WIPF1: variants seen among roughly 807,000 people sequenced by gnomAD.
WIPF1 encodes WAS/WASL-interacting protein family member 1.
A neutral mutation model predicts 35.4 loss-of-function variants in WIPF1; 13 were observed. That is an observed-to-expected ratio of 0.37 (90% confidence interval 0.24 to 0.58). The LOEUF (loss-of-function observed/expected upper bound fraction) is 0.58, where lower values mean the gene tolerates loss of function less well. WIPF1 is among the 20% of genes least tolerant of loss of function. WIPF1 has a pLI of 0.74. For missense variants in WIPF1, 591 were observed against 667.0 expected, an observed-to-expected ratio of 0.89 and a Z score of 1.25; for synonymous variants, 267 against 266.3, an observed-to-expected ratio of 1.00 and a Z score of -0.02.
intron 1 of WIPF1, among the ~76,000 whole-genome samples, chr2:174,617,799 T>C (rs553776098): frequency 6.6e-6 from 1 of 152,360 alleles, no homozygotes; most frequent in African/African-American, 2.4e-5. Context: ...AAATATCGTA[T>C]TGTATTTTCT....
intron 3 of WIPF1, 182 bp from the exon 4 acceptor site, chr2:174,575,562 G>A (rs1685031501): frequency 1.9e-6 from 2 of 1,077,654 alleles, no homozygotes; most frequent in Non-Finnish European, 1.3e-6. Flanking sequence ...GCTCCAGGCA[G>A]TCCCAAGCCC....
At chr2:174,681,954 T>G (rs1426911002) in intron 1 of WIPF1, among the ~76,000 whole-genome samples, 1 of 152,246 alleles carries the variant, frequency 6.6e-6, no homozygotes, top group Non-Finnish European at 1.5e-5. Context: ...TGGTCTGATT[T>G]AGAGCTCTTT....
intron 1 of WIPF1, among the ~76,000 whole-genome samples, chr2:174,618,444 G>A (rs1042069248): frequency 6.6e-6 from 1 of 152,224 alleles, no homozygotes. Flanking sequence ...GAGGAGGGGA[G>A]ATCTGCCATC....
At chr2:174,592,537 A>C (rs1350984951) in intron 1 of WIPF1, among the ~76,000 whole-genome samples, 1 of 151,686 alleles carries the variant, frequency 6.6e-6, no homozygotes, top group African/African-American at 2.4e-5. Context: ...ATATAACTGG[A>C]TAGATTCAAA....
intron 4 of WIPF1, among the ~76,000 whole-genome samples, chr2:174,573,394 G>C (rs1684938689): frequency 6.6e-6 from 1 of 152,116 alleles, no homozygotes; most frequent in Non-Finnish European, 1.5e-5. Flanking sequence ...GAATAGAAAA[G>C]ATTCTGCATT....
chr2:174,563,382 G>A (rs1458006990), intron 7 of WIPF1, among the ~76,000 whole-genome samples: 4 of 152,080 alleles, frequency 2.6e-5, no homozygotes, highest in African/African-American at 7.2e-5. Context: ...GACCAGTCTG[G>A]GCAACATAGC....
At chr2:174,564,428 G>T (rs1442939449) in intron 7 of WIPF1, among the ~76,000 whole-genome samples, 1 of 152,118 alleles carries the variant, frequency 6.6e-6, no homozygotes, top group Non-Finnish European at 1.5e-5. Flanking sequence ...AGACCAGCCT[G>T]GGTGACATAG....
chr2:174,639,743 T>C (rs796288084), intron 1 of WIPF1, among the ~76,000 whole-genome samples: 38 of 152,360 alleles, frequency 2.5e-4, no homozygotes, highest in African/African-American at 8.2e-4. Flanking sequence ...ATTTTGGCTT[T>C]GTTGCCTATG....
intron 5 of WIPF1, among the ~76,000 whole-genome samples, chr2:174,569,737 AG>A (rs1684772984): frequency 6.6e-6 from 1 of 152,200 alleles, no homozygotes; most frequent in Non-Finnish European, 1.5e-5. Context: ...CAACTCTGAG[AG>A]GTACAGGGAT....
chr2:174,635,379 C>T (rs1487774526), intron 1 of WIPF1, among the ~76,000 whole-genome samples: 1 of 152,122 alleles, frequency 6.6e-6, no homozygotes, highest in Non-Finnish European at 1.5e-5. Flanking sequence ...CTGATGGTGG[C>T]CTGACAAGAG....
At chr2:174,676,315 C>CTTTTTTTTTTTT in intron 1 of WIPF1, 1 of 55,030 alleles carries the variant, frequency 1.8e-5, no homozygotes, top group Non-Finnish European at 3.1e-5. Context: ...TCCCTCCCTT[C>CTTTTTTTTTTTT]TTTTTTTTTT....
chr2:174,677,482 C>A (rs781165761), intron 1 of WIPF1, among the ~76,000 whole-genome samples: 21 of 152,162 alleles, frequency 1.4e-4, no homozygotes, highest in Non-Finnish European at 1.6e-4. Context: ...GAATTTCAAG[C>A]CACATGTGAA....
intron 4 of WIPF1, among the ~76,000 whole-genome samples, chr2:174,573,247 T>C (rs915536112): frequency 7.1e-6 from 1 of 140,460 alleles, no homozygotes; most frequent in Non-Finnish European, 1.5e-5. Flanking sequence ...CATCCCAGAA[T>C]CTCTTGGAAC....
In WIPF1 at chr2:174,680,984, C is replaced by T. The variant is rs115027230; in HGVS notation, c.-39+1790G>A. 7.2e-3 allele frequency among the ~76,000 whole-genome samples: 1,095 copies of T among 152,252 alleles called. 14 individuals carry two copies. Among genetic ancestry groups the T allele is most frequent in the African/African-American group, 0.025 (1,059 of 41,538 alleles). On this transcript the variant is annotated intron_variant, in intron 1 of 8. Coordinates refer to the WIPF1 transcript ENST00000272746. ...CTAAGGGCACCAGAAAGTGGTTGAA[C>T]ACATTACAGACAATTTTTAAAATGA...
intron 1 of WIPF1, chr2:174,626,011 A>G (rs1425550823): frequency 6.6e-6 from 1 of 152,244 alleles, no homozygotes; most frequent in Non-Finnish European, 1.5e-5. Context: ...AAACTACATA[A>G]TATCTGTTTC....
chr2:174,573,362 A>C (rs1424628337), intron 4 of WIPF1, among the ~76,000 whole-genome samples: 1 of 152,174 alleles, frequency 6.6e-6, no homozygotes, highest in Non-Finnish European at 1.5e-5. Flanking sequence ...TAATCTAGAG[A>C]CTAGAGACAG....
Position 174,571,842 on chromosome 2 carries a change from C to T in WIPF1, c.963G>A (p.Leu321=). 1 of 1,614,116 alleles carries T rather than the reference C, an allele frequency of 6.2e-7. No individual in the cohort carries two copies. Among genetic ancestry groups the T allele is most frequent in the Non-Finnish European group, 8.5e-7 (1 of 1,180,006 alleles). ...PPPSRPGPPP[L]PPSSSGNDET... is the part of the protein sequence containing the mutation. The stretch of plus-strand genomic sequence containing the variant: ...CGTCATTGCCGCTGGAACTTGGAGG[C>T]AGAGGAGGCGGCCCGGGCCTGCTGG... Residue 321 remains leucine (L), a synonymous_variant, in exon 5 of 8, where the codon CTG becomes CTA. Coordinates refer to ENST00000679041, the MANE Select transcript of WIPF1 (RefSeq NM_001375834.1). This position sits in a 1 kb window ranked among gnomAD's most constrained non-coding sequence, Gnocchi z 4.6.
intron 1 of WIPF1, among the ~76,000 whole-genome samples, chr2:174,621,505 A>G (rs1381402166): frequency 1.3e-5 from 2 of 150,946 alleles, no homozygotes; most frequent in African/African-American, 4.9e-5. Flanking sequence ...CCTCCCCTCC[A>G]CCCCCATCGC....
chr2:174,617,986 T>A (rs921267253), intron 1 of WIPF1, among the ~76,000 whole-genome samples: 1 of 152,250 alleles, frequency 6.6e-6, no homozygotes, highest in Non-Finnish European at 1.5e-5. Flanking sequence ...TTTGTGGATT[T>A]TAACGGTAAC....
Sources: allele counts gnomAD v4.1 joint callset (sites outside exome capture counted in the v4.1 genomes callset), GRCh38; gene constraint gnomAD v4.1.1; non-coding constraint Gnocchi (gnomAD v3.1); transcripts MANE v1.5; gene names NCBI Gene and HGNC (gene_info 2026-07-23, HGNC 2026-07-21).